The following ICA1L variants were observed in gnomAD, a reference collection of about 807,000 sequenced individuals.
ICA1L encodes the protein islet cell autoantigen 1 like.
ICA1L carries 50 observed loss-of-function variants against 61.3 expected under a neutral mutation model. The observed-to-expected ratio is 0.82, with a 90% CI of 0.65 to 1.03. ICA1L has a LOEUF of 1.03. ICA1L is among the 50% of genes least tolerant of loss of function. The pLI is 0.00. For synonymous variants in ICA1L, 161 were observed against 191.3 expected (o/e 0.84, Z 1.31); for missense variants, 508 against 556.7 (o/e 0.91, Z 0.88).
intron 9 of ICA1L, among the ~76,000 whole-genome samples, chr2:202,810,439 G>A (rs1294072562): frequency 6.6e-6 from 1 of 152,134 alleles, no homozygotes; most frequent in Non-Finnish European, 1.5e-5. Context: ...CACTTCCCCA[G>A]TCAATACCCT....
At chr2:202,839,477 C>T (rs1021083635) in intron 1 of ICA1L, among the ~76,000 whole-genome samples, 7 of 117,092 alleles carry the variant, frequency 6.0e-5, no homozygotes, top group Admixed American at 1.2e-4. Context: ...CCAGCCTGGG[C>T]AACAGAGTGA....
intron 1 of ICA1L, among the ~76,000 whole-genome samples, chr2:202,843,882 A>G (rs1440867384): frequency 6.6e-6 from 1 of 152,186 alleles, no homozygotes; most frequent in East Asian, 1.9e-4. Context: ...TGACAAATGG[A>G]TATCTTATAT....
At chr2:202,845,192 T>C (rs1446606342) in intron 1 of ICA1L, among the ~76,000 whole-genome samples, 3 of 152,158 alleles carry the variant, frequency 2.0e-5, no homozygotes, top group Admixed American at 6.5e-5. Flanking sequence ...TTGAACACAG[T>C]CTCTTGCAAC....
At chr2:202,819,600 A>G (rs879358484) in intron 5 of ICA1L, 101 bp downstream of exon 5, 2 of 933,732 alleles carry the variant, frequency 2.1e-6, no homozygotes, top group South Asian at 1.6e-5. Flanking sequence ...ATAATGAAAC[A>G]TATATTTACC....
At chr2:202,834,351 G>A (rs908016697) in intron 1 of ICA1L, among the ~76,000 whole-genome samples, 4 of 152,030 alleles carry the variant, frequency 2.6e-5, no homozygotes, top group Admixed American at 6.6e-5. Flanking sequence ...CATAGAGGCC[G>A]GGTGTGGTGG....
intron 10 of ICA1L, among the ~76,000 whole-genome samples, chr2:202,793,755 G>A (rs1400414319): frequency 1.3e-5 from 2 of 151,812 alleles, no homozygotes; most frequent in Non-Finnish European, 2.9e-5. Context: ...GGGAGGCCGA[G>A]GCTGGTGGAG....
chr2:202,779,502 C>G lies in ICA1L; in HGVS notation c.*31G>C. 7.4e-7 allele frequency: 1 copy of G among 1,353,736 alleles called. No homozygotes were observed. Among genetic ancestry groups the G allele is most frequent in the African/African-American group, 1.4e-5 (1 of 69,328 alleles). The allele number at this position is 1,353,736 out of a possible 1,614,324, so 83.9% of individuals were successfully genotyped here. On this transcript the variant is annotated 3_prime_UTR_variant, in exon 13 of 13. Transcript: ENST00000358299. Reference sequence around the variant, plus strand: ...GAAATACGTTGCAAAATTGATGTCTCAAGGCCACTGAAGTGACATTATAAC... The same window carrying G: ...GAAATACGTTGCAAAATTGATGTCTGAAGGCCACTGAAGTGACATTATAAC...
At chr2:202,854,537 C>T (rs953497763) in intron 1 of ICA1L, among the ~76,000 whole-genome samples, 14 of 152,108 alleles carry the variant, frequency 9.2e-5, no homozygotes, top group African/African-American at 2.2e-4. Context: ...CTGGACCAAG[C>T]GGACCTAATA....
Position 202,777,013 on chromosome 2 carries a change from A to ACT in ICA1L, c.*2519_*2520insAG, listed in dbSNP as rs1692244062. The ACT allele has an allele frequency of 1.3e-5, 2 of 151,104 alleles. No homozygotes were observed. Among genetic ancestry groups the ACT allele is most frequent in the African/African-American group, 4.9e-5 (2 of 41,018 alleles). 9.4% of individuals were successfully genotyped at this position (151,104 alleles called of 1,614,324 possible). ...TAGCAAGGTGACCACTACAAAGAAA[A>ACT]ATGGTACAAACTCTCAAGACATAAA... On this transcript the variant is annotated 3_prime_UTR_variant, in exon 13 of 13. Transcript: ENST00000358299.
In ICA1L at chr2:202,773,197, T is replaced by C. The variant is rs897260938; in HGVS notation, c.*6336A>G. The C allele has an allele frequency of 5.9e-5, 9 of 152,254 alleles. No homozygotes were observed. Among genetic ancestry groups the C allele is most frequent in the Non-Finnish European group, 1.0e-4 (7 of 68,052 alleles). 9.4% of individuals were successfully genotyped at this position (152,254 alleles called of 1,614,324 possible). On this transcript the variant is annotated 3_prime_UTR_variant, in exon 13 of 13. Transcript: ENST00000358299. ...AACATCTTTATTGCTAATATAAGCA[T>C]TTAATGTCAAAGAAATGAAGGTAAT... is the stretch of plus-strand genomic sequence containing the variant.
chr2:202,868,298 T>C (rs1367301412), intron 1 of ICA1L, among the ~76,000 whole-genome samples: 1 of 152,166 alleles, frequency 6.6e-6, no homozygotes, highest in Non-Finnish European at 1.5e-5. Context: ...TCCATGGTAA[T>C]AGCTTAAATG....
Position 202,779,510 on chromosome 2 carries a change from C to T in ICA1L, c.*23G>A. On this transcript the variant is annotated 3_prime_UTR_variant, in exon 13 of 13. Coordinates refer to ENST00000358299, the MANE Select transcript of ICA1L (RefSeq NM_001288622.3). ...TTGCAAAATTGATGTCTCAAGGCCA[C>T]TGAAGTGACATTATAACTTCAGTCA... 7.0e-7 allele frequency: 1 copy of T among 1,429,286 alleles called. No individual in the cohort carries two copies. The highest frequency in any genetic ancestry group is 9.8e-7 in the Non-Finnish European group (1 of 1,018,404). The allele number at this position is 1,429,286 out of a possible 1,614,324, so 88.5% of individuals were successfully genotyped here. A position where few individuals can be genotyped will look rare whatever the true frequency, so the allele number is the denominator to read the frequency against.
At chr2:202,813,950 A>G (rs1378240439) in intron 8 of ICA1L, among the ~76,000 whole-genome samples, 2 of 152,144 alleles carry the variant, frequency 1.3e-5, no homozygotes, top group Non-Finnish European at 2.9e-5. Context: ...AAGAGTCACT[A>G]GAGGTACTTG....
chr2:202,855,802 G>A (rs1263027249), intron 1 of ICA1L, among the ~76,000 whole-genome samples: 4 of 152,042 alleles, frequency 2.6e-5, no homozygotes, highest in Non-Finnish European at 4.4e-5. Flanking sequence ...TCGGCTGGGC[G>A]CGGTGGCTCA....
chr2:202,819,507 G>A (rs1263542999), intron 5 of ICA1L, 194 bp downstream of exon 5: 1 of 574,136 alleles, frequency 1.7e-6, no homozygotes, highest in Admixed American at 3.1e-5. Context: ...GGTAGATGGT[G>A]TGAAGATGCC....
At chr2:202,845,619 T>C (rs898343174) in intron 1 of ICA1L, among the ~76,000 whole-genome samples, 7 of 146,444 alleles carry the variant, frequency 4.8e-5, no homozygotes, top group African/African-American at 1.7e-4. Flanking sequence ...AGAGCAAGAA[T>C]CTGTCTTAAA....
intron 1 of ICA1L, among the ~76,000 whole-genome samples, chr2:202,837,318 C>G (rs948741096): frequency 6.6e-6 from 1 of 150,570 alleles, no homozygotes; most frequent in South Asian, 2.1e-4. Context: ...GACAGAGTCT[C>G]TGTCACCCAA....
intron 11 of ICA1L, among the ~76,000 whole-genome samples, 156 bp downstream of exon 11, chr2:202,788,674 A>G (rs893268646): frequency 2.0e-5 from 3 of 151,716 alleles, no homozygotes; most frequent in African/African-American, 4.8e-5. Context: ...TGAGGTGACT[A>G]ATATTTTTCC....
chr2:202,786,704 A>G (rs1574324717), intron 11 of ICA1L: 1 of 454,592 alleles, frequency 2.2e-6, no homozygotes, highest in East Asian at 6.9e-5. Context: ...CATTCCTAGC[A>G]ATTTTTCTTA....
Sources: allele counts gnomAD v4.1 joint callset (sites outside exome capture counted in the v4.1 genomes callset), GRCh38; gene constraint gnomAD v4.1.1; transcripts MANE v1.5; gene names NCBI Gene and HGNC (gene_info 2026-07-23, HGNC 2026-07-21).